Variants in RAB11FIP3 observed in about 807,000 individuals in gnomAD.
RAB11FIP3 encodes the protein rab11 family-interacting protein 3.
RAB11FIP3 carries 17 observed loss-of-function variants against 77.8 expected under a neutral mutation model. The ratio of observed to expected loss-of-function variants is 0.22; its 90% CI spans 0.15 to 0.33. The LOEUF (loss-of-function observed/expected upper bound fraction) is 0.33, where lower values mean the gene tolerates loss of function less well. Among genes scored for constraint, RAB11FIP3 ranks in the 10% least tolerant of loss-of-function variants. RAB11FIP3 has a pLI of 1.00. For missense variants in RAB11FIP3, 1,005 were observed against 1,011.2 expected, an observed-to-expected ratio of 0.99 and a Z score of 0.08; for synonymous variants, 437 against 448.2, an observed-to-expected ratio of 0.98 and a Z score of 0.31.
At chr16:448,519 G>C (rs1229695776) in intron 1 of RAB11FIP3, among the ~76,000 whole-genome samples, 2 of 151,432 alleles carry the variant, frequency 1.3e-5, no homozygotes, top group Non-Finnish European at 2.9e-5. Flanking sequence ...GGTGGATCAC[G>C]AGGTCAGGAG....
chr16:438,255 G>A (rs1233160099), intron 1 of RAB11FIP3, among the ~76,000 whole-genome samples: 2 of 149,936 alleles, frequency 1.3e-5, no homozygotes, highest in East Asian at 2.0e-4. Flanking sequence ...TTACAGGCAC[G>A]TACCACCATG....
At chr16:447,885 G>A (rs1344189789) in intron 1 of RAB11FIP3, among the ~76,000 whole-genome samples, 1 of 152,052 alleles carries the variant, frequency 6.6e-6, no homozygotes, top group Admixed American at 6.6e-5. Flanking sequence ...GTTACATTCA[G>A]CTTTCAGGTC....
At chr16:484,461 C>A (rs951705491) in intron 4 of RAB11FIP3, among the ~76,000 whole-genome samples, 1 of 152,134 alleles carries the variant, frequency 6.6e-6, no homozygotes, top group Non-Finnish European at 1.5e-5. Context: ...CAGCGATTCT[C>A]CTGCCTCAGC....
chr16:441,723 C>A (rs981592756), intron 1 of RAB11FIP3, among the ~76,000 whole-genome samples: 1 of 152,218 alleles, frequency 6.6e-6, no homozygotes, highest in Non-Finnish European at 1.5e-5. Flanking sequence ...GTTCCCACAC[C>A]AGGCACCCTT....
chr16:508,685 C>T lies in RAB11FIP3; in HGVS notation c.1500-1975C>T, dbSNP rs185722869. ...CACCGCGCCTGGCCTAGGTTTTCAG[C>T]CTTTAAATCTGGAAAACGCGTCCTT... On this transcript the variant is annotated intron_variant, in intron 8 of 13. Coordinates refer to ENST00000262305, the MANE Select transcript of RAB11FIP3 (RefSeq NM_014700.4). 2.0e-3 allele frequency among the ~76,000 whole-genome samples: 304 copies of T among 152,064 alleles called. 3 individuals carry two copies. In the Middle Eastern group the frequency reaches 0.021, roughly 10 times the overall value.
At position 466,044 on chromosome 16, in the gene RAB11FIP3, C is replaced by T. The variant is rs114281950; in HGVS notation, c.808+4547C>T. On this transcript the variant is annotated intron_variant, in intron 2 of 13. Coordinates refer to ENST00000262305, the MANE Select transcript of RAB11FIP3 (RefSeq NM_014700.4). ...TTATAAATGTTACAACCCATTTCCT[C>T]GGTGCCACAAAGACTCAGAGCACTC... Among the ~76,000 whole-genome samples, 926 of 152,264 alleles carry T rather than the reference C, an allele frequency of 6.1e-3. 10 individuals are homozygous for T. Among genetic ancestry groups the T allele is most frequent in the African/African-American group, 0.021 (881 of 41,550 alleles).
rs773447058 is a variant in RAB11FIP3 at position 503,121 on chromosome 16, G to C, written c.1395+24G>C. On this transcript the variant is annotated intron_variant, in intron 7 of 13. Transcript: ENST00000262305. ...AGGTAGGCCCTGGAGGGCTGGGTAGGTGGCAAGTAGGGGATTTAGAACACA... is the reference window on the plus strand; with the variant it reads ...AGGTAGGCCCTGGAGGGCTGGGTAGCTGGCAAGTAGGGGATTTAGAACACA... The C allele has an allele frequency of 2.6e-5, 41 of 1,570,812 alleles. No individual in the cohort carries two copies. The Middle Eastern group carries it at 5.2e-4, about 20-fold the overall frequency.
chr16:463,993 C>A (rs932697805), intron 2 of RAB11FIP3, among the ~76,000 whole-genome samples: 15 of 152,152 alleles, frequency 9.9e-5, no homozygotes, highest in African/African-American at 3.6e-4. Flanking sequence ...GACACCCTGA[C>A]AACCAGGTAA....
intron 10 of RAB11FIP3, 59 bp downstream of exon 10, chr16:519,083 G>A: frequency 6.5e-7 from 1 of 1,543,240 alleles, no homozygotes; most frequent in Non-Finnish European, 8.9e-7. Flanking sequence ...CCTGCCTGTG[G>A]GGCAGCTGAG....
In RAB11FIP3 at chr16:472,909, C is replaced by T. The variant is rs112559122; in HGVS notation, c.903+1520C>T. Among the ~76,000 whole-genome samples, 1,733 of 152,286 alleles carry T rather than the reference C, an allele frequency of 0.011. 25 individuals are homozygous for T. The highest frequency in any genetic ancestry group is 0.031 in the African/African-American group (1,282 of 41,556). ...GTGTCCCTGGAAGACGGGAGAGACA[C>T]ACAGGGGGAAGACCATAGGAAGACA... On this transcript the variant is annotated intron_variant, in intron 3 of 13. Coordinates refer to ENST00000262305, the MANE Select transcript of RAB11FIP3 (RefSeq NM_014700.4). The surrounding 1 kb of genome is among the most constrained non-coding windows in gnomAD (Gnocchi z 4.1).
chr16:475,247 T>A, intron 3 of RAB11FIP3: 2 of 904,890 alleles, frequency 2.2e-6, no homozygotes, highest in Non-Finnish European at 3.0e-6. Flanking sequence ...TGTCCGCTGG[T>A]GATTTAGGGG....
At chr16:520,623 G>A (rs2071978) in intron 13 of RAB11FIP3, 24 bp downstream of exon 13, 781,138 of 1,610,862 alleles carry the variant, frequency 0.48, 195,884 homozygotes, top group South Asian at 0.74. Flanking sequence ...TGTCTGCACG[G>A]TGTGGCCTGG....
chr16:494,666 C>T (rs190958812), intron 5 of RAB11FIP3, among the ~76,000 whole-genome samples: 2 of 151,994 alleles, frequency 1.3e-5, no homozygotes, highest in East Asian at 1.9e-4. Context: ...AGTCTCCAGT[C>T]GAGAAAGGAG....
chr16:474,845 G>A (rs762368591), intron 3 of RAB11FIP3: 66 of 1,435,198 alleles, frequency 4.6e-5, no homozygotes, highest in Non-Finnish European at 5.9e-5. Flanking sequence ...ACCAGCAGGA[G>A]GTTTATTAGA....
chr16:477,600 G>A, intron 3 of RAB11FIP3: 1 of 985,386 alleles, frequency 1.0e-6, no homozygotes, highest in Non-Finnish European at 1.2e-6. Context: ...GGCCAGCCCT[G>A]TCCTGAGTGG....
chr16:516,547 G>A (rs1010493263), intron 9 of RAB11FIP3, among the ~76,000 whole-genome samples: 3 of 152,202 alleles, frequency 2.0e-5, no homozygotes, highest in South Asian at 2.1e-4. Context: ...CATAAAGTGC[G>A]TGAGTCCATA....
At chr16:462,112 G>T (rs2055617188) in intron 2 of RAB11FIP3, among the ~76,000 whole-genome samples, 1 of 152,320 alleles carries the variant, frequency 6.6e-6, no homozygotes, top group South Asian at 2.1e-4. Context: ...AGCCTGTCAC[G>T]CACATCACTG....
intron 10 of RAB11FIP3, among the ~76,000 whole-genome samples, chr16:519,273 G>C (rs1220633749): frequency 6.6e-6 from 1 of 152,230 alleles, no homozygotes; most frequent in Non-Finnish European, 1.5e-5. Context: ...CAAGGGGAAG[G>C]CATCAGCCAG....
At chr16:444,251 A>T (rs1011834401) in intron 1 of RAB11FIP3, among the ~76,000 whole-genome samples, 1 of 152,162 alleles carries the variant, frequency 6.6e-6, no homozygotes, top group Non-Finnish European at 1.5e-5. Flanking sequence ...TCAGTAAGGA[A>T]TAAAGAACAT....
Sources: allele counts gnomAD v4.1 joint callset (sites outside exome capture counted in the v4.1 genomes callset), GRCh38; gene constraint gnomAD v4.1.1; non-coding constraint Gnocchi (gnomAD v3.1); transcripts MANE v1.5; gene names NCBI Gene and HGNC (gene_info 2026-07-23, HGNC 2026-07-21).